Variants in MSTO1 observed in about 807,000 individuals in gnomAD.
MSTO1 encodes protein misato homolog 1.
MSTO1 carries 24 observed loss-of-function variants against 55.7 expected under a neutral mutation model. The ratio of observed to expected loss-of-function variants is 0.43; its 90% CI spans 0.31 to 0.61. The LOEUF (loss-of-function observed/expected upper bound fraction) is 0.61. Among genes scored for constraint, MSTO1 ranks in the 20% least tolerant of loss-of-function variants. The pLI is 0.09. For missense variants in MSTO1, 363 were observed against 625.7 expected, an observed-to-expected ratio of 0.58 and a Z score of 4.48; for synonymous variants, 162 against 252.8, an observed-to-expected ratio of 0.64 and a Z score of 3.41.
chr1:155,572,831 G>T, the MSTO1 span, among the ~76,000 whole-genome samples: 2 of 151,932 alleles, frequency 1.3e-5, no homozygotes, highest in Admixed American at 1.3e-4. Context: ...TGTATTTTTA[G>T]TAGAGATGGG....
chr1:155,603,590 G>A, the MSTO1 span, among the ~76,000 whole-genome samples: 1 of 152,138 alleles, frequency 6.6e-6, no homozygotes, highest in Non-Finnish European at 1.5e-5. Flanking sequence ...TGGCACAGTG[G>A]CTCACGTCTG....
chr1:155,609,944 G>C (rs960622615), upstream of MSTO1: 11 of 439,168 alleles, frequency 2.5e-5, no homozygotes, highest in Non-Finnish European at 4.5e-5. Flanking sequence ...GCCTTCCACG[G>C]CCCGCGCCCT....
At chr1:155,569,506 C>G in the MSTO1 span, among the ~76,000 whole-genome samples, 2 of 144,302 alleles carry the variant, frequency 1.4e-5, no homozygotes, top group Admixed American at 1.4e-4. Flanking sequence ...GGCGCAATCT[C>G]AGCTCACTGC....
At chr1:155,574,762 T>A in the MSTO1 span, among the ~76,000 whole-genome samples, 4 of 152,094 alleles carry the variant, frequency 2.6e-5, no homozygotes, top group African/African-American at 9.7e-5. Flanking sequence ...GAGATAAGGT[T>A]TTCCTATGTT....
At chr1:155,592,623 G>T in the MSTO1 span, among the ~76,000 whole-genome samples, 1 of 151,560 alleles carries the variant, frequency 6.6e-6, no homozygotes, top group South Asian at 2.1e-4. Context: ...GCACAATCTC[G>T]GCTCACTCCA....
the MSTO1 span, among the ~76,000 whole-genome samples, chr1:155,574,148 A>G: frequency 6.6e-6 from 1 of 152,152 alleles, no homozygotes; most frequent in Non-Finnish European, 1.5e-5. Flanking sequence ...GCTTGAGCCC[A>G]GGAGTTGAAG....
chr1:155,564,739 C>G, the MSTO1 span, among the ~76,000 whole-genome samples: 1 of 152,160 alleles, frequency 6.6e-6, no homozygotes, highest in Admixed American at 6.6e-5. Flanking sequence ...ATTATGCTAC[C>G]AATAACTTGT....
chr1:155,566,365 C>T, the MSTO1 span: 1 of 152,200 alleles, frequency 6.6e-6, no homozygotes, highest in Admixed American at 6.6e-5. Context: ...GGCGCAGTGG[C>T]TCATGCCTAT....
the MSTO1 span, among the ~76,000 whole-genome samples, chr1:155,573,028 G>A: frequency 6.6e-6 from 1 of 152,058 alleles, no homozygotes; most frequent in Non-Finnish European, 1.5e-5. Flanking sequence ...TGATAATCTC[G>A]CACAGTGGCT....
At chr1:155,588,207 C>CA in the MSTO1 span, among the ~76,000 whole-genome samples, 46 of 95,736 alleles carry the variant, frequency 4.8e-4, no homozygotes, top group African/African-American at 1.0e-3. Flanking sequence ...GACTGTGTCT[C>CA]AAAAAAAAAA....
At chr1:155,613,999 C>T in intron 13 of MSTO1, 60 bp from the exon 14 acceptor site, 2 of 1,608,164 alleles carry the variant, frequency 1.2e-6, no homozygotes, top group South Asian at 1.1e-5. Flanking sequence ...ATCAGTTTGG[C>T]AGAGTCCCAG....
intron 4 of MSTO1, 28 bp downstream of exon 4, chr1:155,611,319 A>G (rs373678622): frequency 2.5e-5 from 40 of 1,613,652 alleles, no homozygotes; most frequent in Non-Finnish European, 3.1e-5. Flanking sequence ...GAACTTTTTA[A>G]CCCGGTGCCA....
the MSTO1 span, among the ~76,000 whole-genome samples, chr1:155,567,077 T>G: frequency 6.6e-6 from 1 of 152,046 alleles, no homozygotes; most frequent in Non-Finnish European, 1.5e-5. Context: ...TGGTCAGGGT[T>G]GACTTTACAT....
chr1:155,601,586 A>G, the MSTO1 span, among the ~76,000 whole-genome samples: 1 of 152,088 alleles, frequency 6.6e-6, no homozygotes, highest in East Asian at 1.9e-4. Context: ...TGATCTCACC[A>G]CTGCCTTCTA....
chr1:155,580,788 A>G, the MSTO1 span, among the ~76,000 whole-genome samples: 1 of 151,492 alleles, frequency 6.6e-6, no homozygotes, highest in African/African-American at 2.4e-5. Flanking sequence ...GTGTGGTGGC[A>G]TGCATCTGTA....
intron 3 of MSTO1, 47 bp from the exon 4 acceptor site, chr1:155,611,169 C>T (rs1406214764): frequency 2.0e-6 from 3 of 1,529,134 alleles, no homozygotes; most frequent in Non-Finnish European, 1.8e-6. Flanking sequence ...CGCTGGATAA[C>T]TCTGATCAGA....
At chr1:155,590,523 T>G in the MSTO1 span, 1 of 699,266 alleles carries the variant, frequency 1.4e-6, no homozygotes, top group Non-Finnish European at 2.4e-6. Flanking sequence ...ACAAAAGATA[T>G]GAACCCATCC....
At chr1:155,590,392 C>G in the MSTO1 span, among the ~76,000 whole-genome samples, 1 of 152,162 alleles carries the variant, frequency 6.6e-6, no homozygotes, top group East Asian at 1.9e-4. Context: ...CCCTCTTTGG[C>G]TCCATCATCC....
At chr1:155,595,714 C>T in the MSTO1 span, among the ~76,000 whole-genome samples, 55 of 151,436 alleles carry the variant, frequency 3.6e-4, no homozygotes, top group African/African-American at 1.3e-3. Flanking sequence ...AGGATGGTCT[C>T]GATCTCCCGA....
Sources: allele counts gnomAD v4.1 joint callset (sites outside exome capture counted in the v4.1 genomes callset), GRCh38; gene constraint gnomAD v4.1.1; transcripts MANE v1.5; gene names NCBI Gene and HGNC (gene_info 2026-07-23, HGNC 2026-07-21).